MAGOHB: variants seen among roughly 807,000 people sequenced by gnomAD.
MAGOHB encodes the protein protein mago nashi homolog 2.
A neutral mutation model predicts 20.9 loss-of-function variants in MAGOHB; 15 were observed. That is an observed-to-expected ratio of 0.72 (90% CI 0.48 to 1.11). MAGOHB has a LOEUF of 1.11. Among genes scored for constraint, MAGOHB ranks in the 50% least tolerant of loss-of-function variants. The probability of loss-of-function intolerance (pLI) is 0.00; values close to 1 mark genes in which losing one functional copy is unlikely to be tolerated. For missense variants in MAGOHB, 162 were observed against 177.6 expected (o/e 0.91, Z 0.50); for synonymous variants, 50 against 57.9 (o/e 0.86, Z 0.62).
At chr12:10,600,600 C>G (rs115994434), downstream of MAGOHB, among the ~76,000 whole-genome samples, 1 of 152,088 alleles carries the variant, frequency 6.6e-6, no homozygotes, top group African/African-American at 2.4e-5. Flanking sequence ...AGTTTTCCCA[C>G]GAAATCTCAC....
chr12:10,610,601 A>C (rs1865714281), intron 2 of MAGOHB, 21 bp downstream of exon 2: 1 of 1,353,596 alleles, frequency 7.4e-7, no homozygotes, highest in Non-Finnish European at 9.7e-7. Context: ...AAAAAAAAAA[A>C]GACATTCACA....
chr12:10,610,269 G>A (rs754322785), intron 2 of MAGOHB, among the ~76,000 whole-genome samples: 1 of 152,128 alleles, frequency 6.6e-6, no homozygotes, highest in African/African-American at 2.4e-5. Flanking sequence ...TGTAATAAAT[G>A]CAAGTATACT....
downstream of MAGOHB, among the ~76,000 whole-genome samples, chr12:10,603,649 T>G (rs1865577344): frequency 6.6e-6 from 1 of 152,164 alleles, no homozygotes; most frequent in Non-Finnish European, 1.5e-5. Context: ...CTCCACCACA[T>G]CACACAGTTC....
At chr12:10,600,542 C>T (rs980635102), downstream of MAGOHB, among the ~76,000 whole-genome samples, 7 of 152,086 alleles carry the variant, frequency 4.6e-5, no homozygotes, top group Admixed American at 1.3e-4. Context: ...AAAATGTGCA[C>T]ATTTGATTTT....
Position 10,606,357 on chromosome 12 carries a change from C to A in MAGOHB, c.365G>T (p.Arg122Leu). 1 of 1,570,018 alleles carries A rather than the reference C, an allele frequency of 6.4e-7. No homozygotes were observed. The highest frequency in any genetic ancestry group is 8.7e-7 in the Non-Finnish European group (1 of 1,155,854). ...GTCTTGTACCAAATAGTAAAATACT[C>A]GAAGGCCTTCAGGATCCCTAAAATT... ...VNQSKDPEGL[R>L]VFYYLVQDLK... Residue 122 changes from arginine (R) to leucine (L), a missense_variant, in exon 5 of 5, where the codon CGA (arginine) becomes CTA (leucine). Transcript: ENST00000320756.
Position 10,604,871 on chromosome 12 carries a change from C to T in MAGOHB, c.*1404G>A, listed in dbSNP as rs1466436036. On this transcript the variant is annotated 3_prime_UTR_variant, in exon 5 of 5. Coordinates refer to ENST00000320756, the MANE Select transcript of MAGOHB (RefSeq NM_018048.5). ...TAGTGCTCCATGGCAAACAGGTTAC[C>T]AAGCCATGCTCTAGAGCTATACTGT... 1 of 152,100 alleles carries T rather than the reference C, an allele frequency of 6.6e-6. No homozygotes were observed. Among genetic ancestry groups the T allele is most frequent in the Non-Finnish European group, 1.5e-5 (1 of 68,026 alleles). The allele number at this position is 152,100 out of a possible 1,614,324, so 9.4% of individuals were successfully genotyped here.
rs1323985738 is a variant in MAGOHB at position 10,613,485 on chromosome 12, C to A, written c.48G>T (p.Lys16Asn). Residue 16 changes from lysine to asparagine, a missense_variant, in exon 1 of 5, where the codon AAG (lysine) becomes AAT (asparagine). Lys to Asn is a moderately conservative substitution (Grantham distance 94). Transcript: ENST00000320756. ...DFYLRYYVGH[K>N]GKFGHEFLEF... ...CCAGAAACTCGTGCCCAAACTTGCC[C>A]TTGTGCCCTACGTAGTAGCGCAGGT... 1 of 1,614,166 alleles carries A rather than the reference C, an allele frequency of 6.2e-7. No individual in the cohort carries two copies.
At chr12:10,611,910 T>C (rs1011948390) in intron 1 of MAGOHB, among the ~76,000 whole-genome samples, 3 of 152,158 alleles carry the variant, frequency 2.0e-5, no homozygotes, top group Admixed American at 6.5e-5. Flanking sequence ...TTAATTCATG[T>C]GACCTGCTAA....
chr12:10,612,880 C>G, intron 1 of MAGOHB: 1 of 1,289,072 alleles, frequency 7.8e-7, no homozygotes, highest in Non-Finnish European at 1.0e-6. Context: ...TCTCTCATTT[C>G]GAGACTCATC....
rs61731319 is a variant in MAGOHB at position 10,613,503 on chromosome 12, G to A, written c.30C>T (p.Arg10=). MAVASDFYL[R]YYVGHKGKFG... The stretch of plus-strand genomic sequence containing the variant: ...ACTTGCCCTTGTGCCCTACGTAGTA[G>A]CGCAGGTAGAAATCGCTAGCCACAG... Residue 10 remains arginine, a synonymous_variant, in exon 1 of 5, where the codon CGC becomes CGT. Coordinates refer to ENST00000320756, the MANE Select transcript of MAGOHB (RefSeq NM_018048.5). 9.3e-6 allele frequency: 15 copies of A among 1,614,170 alleles called. No individual in the cohort carries two copies. The highest frequency in any genetic ancestry group is 5.5e-5 in the South Asian group (5 of 91,092).
rs568173268 is a variant in MAGOHB, at chr12:10,609,313, C to T, written c.264+518G>A. The T allele has an allele frequency of 2.0e-5, 8 of 397,616 alleles. 1 individual carries two copies. The highest frequency in any genetic ancestry group is 1.5e-4 in the South Asian group (8 of 54,852). 24.6% of individuals were successfully genotyped at this position (397,616 alleles called of 1,614,324 possible). On this transcript the variant is annotated intron_variant, in intron 3 of 4. Coordinates refer to ENST00000320756, the MANE Select transcript of MAGOHB (RefSeq NM_018048.5). ...GAGTTGAAAAGACCCAATTCAGAAA[C>T]CAAACTTTCTTTTTACAGAGTGAAA...
chr12:10,607,217 T>C (rs550860762), intron 4 of MAGOHB, among the ~76,000 whole-genome samples: 1 of 152,338 alleles, frequency 6.6e-6, no homozygotes, highest in South Asian at 2.1e-4. Flanking sequence ...ATGCTAACTC[T>C]GTGGATACAG....
intron 3 of MAGOHB, chr12:10,608,773 T>C (rs1304709056): frequency 6.6e-6 from 1 of 152,172 alleles, no homozygotes; most frequent in South Asian, 2.1e-4. Context: ...TAGCTATTTA[T>C]TTAATCAGAG....
Position 10,604,535 on chromosome 12 carries a change from T to G in MAGOHB, c.*1740A>C, listed in dbSNP as rs185555007. 4 of 152,320 alleles carry G rather than the reference T, an allele frequency of 2.6e-5. No individual in the cohort carries two copies. Among genetic ancestry groups the G allele is most frequent in the Non-Finnish European group, 4.4e-5 (3 of 68,028 alleles). The allele number at this position is 152,320 out of a possible 1,614,324, so 9.4% of individuals were successfully genotyped here. A position where few individuals can be genotyped will look rare whatever the true frequency, so the allele number is the denominator to read the frequency against. ...AAGCACTATTTCTCCTCAACCTTGT[T>G]CAGTTTTTAATGGATCATCTTATTC... On this transcript the variant is annotated 3_prime_UTR_variant, in exon 5 of 5. Transcript: ENST00000320756.
downstream of MAGOHB, among the ~76,000 whole-genome samples, chr12:10,603,704 C>G (rs973939695): frequency 6.6e-6 from 1 of 152,204 alleles, no homozygotes; most frequent in Non-Finnish European, 1.5e-5. Context: ...TGGTAGTTAT[C>G]CAACTTTACT....
intron 1 of MAGOHB, 142 bp downstream of exon 1, chr12:10,613,297 A>T (rs1235969015): frequency 1.4e-6 from 1 of 729,236 alleles, no homozygotes; most frequent in African/African-American, 1.8e-5. Flanking sequence ...CATTTATAAA[A>T]CCAACTTATG....
intron 1 of MAGOHB, among the ~76,000 whole-genome samples, chr12:10,612,388 A>C (rs559284410): frequency 8.4e-6 from 1 of 119,320 alleles, no homozygotes; most frequent in Admixed American, 9.7e-5. Context: ...ACAGAGTGAG[A>C]CCTTGTTTCA....
In MAGOHB at chr12:10,606,096, C is replaced by T; in HGVS notation, c.*179G>A. The T allele has an allele frequency of 4.4e-6, 2 of 458,232 alleles. No homozygotes were observed. Among genetic ancestry groups the T allele is most frequent in the South Asian group, 4.1e-5 (1 of 24,596 alleles). 28.4% of individuals were successfully genotyped at this position (458,232 alleles called of 1,614,324 possible). On this transcript the variant is annotated 3_prime_UTR_variant, in exon 5 of 5. Coordinates refer to ENST00000320756, the MANE Select transcript of MAGOHB (RefSeq NM_018048.5). ...GAATTTAATGTGTGTGGGGACTGTC[C>T]AACCCATATGGACTCAAGTAAGGAT...
At position 10,604,512 on chromosome 12, in the gene MAGOHB, GC is replaced by G. The variant is rs1865590604; in HGVS notation, c.*1762del. 6.6e-6 allele frequency: 1 copy of G among 152,180 alleles called. No individual in the cohort carries two copies. The allele number at this position is 152,180 out of a possible 1,614,324, so 9.4% of individuals were successfully genotyped here. A position where few individuals can be genotyped will look rare whatever the true frequency, so the allele number is the denominator to read the frequency against. On this transcript the variant is annotated 3_prime_UTR_variant, in exon 5 of 5. Coordinates refer to ENST00000320756, the MANE Select transcript of MAGOHB (RefSeq NM_018048.5). ...AAGACTTAAAGATTTTTCAACGTAAGCACTATTTCTCCTCAACCTTGTTCAG... is the reference window on the plus strand; with the variant it reads ...AAGACTTAAAGATTTTTCAACGTAAGACTATTTCTCCTCAACCTTGTTCAG...
Sources: allele counts gnomAD v4.1 joint callset (sites outside exome capture counted in the v4.1 genomes callset), GRCh38; gene constraint gnomAD v4.1.1; transcripts MANE v1.5; gene names NCBI Gene and HGNC (gene_info 2026-07-23, HGNC 2026-07-21).